TRIQK: variants seen among roughly 807,000 people sequenced by gnomAD.
TRIQK encodes the protein triple QxxK/R motif containing.
Under a neutral mutation model 10.8 loss-of-function variants are expected in TRIQK, and 10 were observed. The observed-to-expected ratio is 0.92, with a 90% CI of 0.57 to 1.57. TRIQK has a LOEUF of 1.57. Among genes scored for constraint, TRIQK ranks in the 40% most tolerant of loss-of-function variants. The probability of loss-of-function intolerance (pLI) is 0.00; values close to 1 mark genes in which losing one functional copy is unlikely to be tolerated. For missense variants in TRIQK, 107 were observed against 97.7 expected, an observed-to-expected ratio of 1.09 and a Z score of -0.40; for synonymous variants, 33 against 33.7, an observed-to-expected ratio of 0.98 and a Z score of 0.07.
rs1406232188 is a variant in TRIQK, at chr8:92,928,064, G to T, written c.-21-11054C>A. 2 of 152,066 alleles carry T rather than the reference G, an allele frequency of 1.3e-5. 1 individual carries two copies. The highest frequency in any genetic ancestry group is 2.9e-5 in the Non-Finnish European group (2 of 68,016). The allele number at this position is 152,066 out of a possible 1,614,324, so 9.4% of individuals were successfully genotyped here. A position where few individuals can be genotyped will look rare whatever the true frequency, so the allele number is the denominator to read the frequency against. On this transcript the variant is annotated intron_variant, in intron 2 of 4. Coordinates refer to ENST00000521988, the MANE Select transcript of TRIQK (RefSeq NM_001171797.2). ...TAATAAAGCGTTTGGGATTAACTGG[G>T]TTCAAGGGGGATATAAAAAGATAGA...
At chr8:92,990,559 A>T (rs538950057) in intron 1 of TRIQK, among the ~76,000 whole-genome samples, 49 of 152,280 alleles carry the variant, frequency 3.2e-4, no homozygotes, top group Middle Eastern at 3.4e-3. Context: ...TACCCGGCTC[A>T]TCTCATTGGA....
intron 1 of TRIQK, among the ~76,000 whole-genome samples, chr8:92,961,003 T>A (rs1347211305): frequency 6.6e-6 from 1 of 152,194 alleles, no homozygotes; most frequent in East Asian, 1.9e-4. Flanking sequence ...TTACATGAAG[T>A]TCTCCTATCC....
At chr8:92,906,761 C>T (rs1435670771) in intron 3 of TRIQK, among the ~76,000 whole-genome samples, 1 of 148,578 alleles carries the variant, frequency 6.7e-6, no homozygotes, top group Non-Finnish European at 1.5e-5. Context: ...GGCGTGGTGG[C>T]AGGCGCCTGT....
At chr8:92,946,918 C>T (rs1165454957) in intron 2 of TRIQK, among the ~76,000 whole-genome samples, 1 of 151,778 alleles carries the variant, frequency 6.6e-6, no homozygotes, top group Non-Finnish European at 1.5e-5. Context: ...TGCCACCACG[C>T]CTGGCTAATT....
chr8:92,892,151 A>T (rs1816801298), intron 3 of TRIQK, 77 bp from the exon 4 acceptor site: 1 of 1,048,788 alleles, frequency 9.5e-7, no homozygotes, highest in African/African-American at 1.6e-5. Flanking sequence ...ATGTCAAAGA[A>T]TGTTTAAATA....
At chr8:92,988,758 A>ATT (rs1813064880) in intron 1 of TRIQK, among the ~76,000 whole-genome samples, 2 of 152,290 alleles carry the variant, frequency 1.3e-5, no homozygotes, top group South Asian at 4.1e-4. Context: ...TCTCTTAACA[A>ATT]TTAGCAAATT....
At chr8:92,909,750 G>T (rs1809471895) in intron 3 of TRIQK, among the ~76,000 whole-genome samples, 1 of 151,598 alleles carries the variant, frequency 6.6e-6, no homozygotes, top group African/African-American at 2.4e-5. Flanking sequence ...ACATGGAGGA[G>T]AATTATAGTT....
At chr8:92,958,507 T>G (rs1437685379) in intron 1 of TRIQK, among the ~76,000 whole-genome samples, 2 of 152,016 alleles carry the variant, frequency 1.3e-5, no homozygotes, top group Non-Finnish European at 2.9e-5. Flanking sequence ...TATTACCTGA[T>G]TTTCATCTTT....
At chr8:92,904,141 TA>T (rs147252377) in intron 3 of TRIQK, among the ~76,000 whole-genome samples, 3 of 151,272 alleles carry the variant, frequency 2.0e-5, no homozygotes, top group African/African-American at 4.8e-5. Context: ...ATAAGTTGAT[TA>T]AAAAAAAATC....
intron 2 of TRIQK, among the ~76,000 whole-genome samples, chr8:92,936,486 A>G (rs1223782395): frequency 6.6e-6 from 1 of 151,714 alleles, no homozygotes; most frequent in African/African-American, 2.4e-5. Context: ...GGCAGGAAGG[A>G]GAAAGCAAGG....
chr8:93,014,845 T>A (rs1342750329), intron 1 of TRIQK, among the ~76,000 whole-genome samples: 1 of 152,078 alleles, frequency 6.6e-6, no homozygotes, highest in Non-Finnish European at 1.5e-5. Context: ...TGTTAGTTAT[T>A]GAAGTCTGAA....
chr8:93,015,458 CTTT>C (rs5893234), intron 1 of TRIQK, among the ~76,000 whole-genome samples: 5 of 137,214 alleles, frequency 3.6e-5, no homozygotes, highest in Admixed American at 7.4e-5. Context: ...AAAGCATAAG[CTTT>C]TTTTTTTTTT....
chr8:92,905,870 C>G (rs1809226917), intron 3 of TRIQK, among the ~76,000 whole-genome samples: 1 of 152,164 alleles, frequency 6.6e-6, no homozygotes, highest in Non-Finnish European at 1.5e-5. Flanking sequence ...GAAACAACTC[C>G]TGGATTGCTA....
intron 2 of TRIQK, among the ~76,000 whole-genome samples, chr8:92,937,153 T>C (rs1811032105): frequency 6.6e-6 from 1 of 151,842 alleles, no homozygotes; most frequent in South Asian, 2.1e-4. Context: ...AATAAAACTC[T>C]GTATGTCTAC....
intron 3 of TRIQK, among the ~76,000 whole-genome samples, chr8:92,892,520 A>G (rs1816818098): frequency 1.3e-5 from 2 of 151,948 alleles, no homozygotes; most frequent in South Asian, 4.1e-4. Context: ...AGTGAGAAAT[A>G]TCCCCAAGTT....
At chr8:93,011,208 A>G (rs1457125387) in intron 1 of TRIQK, among the ~76,000 whole-genome samples, 1 of 113,074 alleles carries the variant, frequency 8.8e-6, no homozygotes, top group East Asian at 3.1e-4. Flanking sequence ...ACACACACAT[A>G]TATATATATA....
chr8:92,983,922 C>T (rs1489905673), intron 1 of TRIQK, among the ~76,000 whole-genome samples: 1 of 152,174 alleles, frequency 6.6e-6, no homozygotes, highest in East Asian at 1.9e-4. Flanking sequence ...ATCAGTTCAG[C>T]TCAACAGGTT....
At chr8:92,940,344 A>G (rs1791442504) in intron 2 of TRIQK, among the ~76,000 whole-genome samples, 2 of 151,982 alleles carry the variant, frequency 1.3e-5, no homozygotes, top group Non-Finnish European at 2.9e-5. Context: ...TAAAAAAAAA[A>G]AAAAAAAGAC....
At chr8:92,996,093 A>G (rs559157576) in intron 1 of TRIQK, among the ~76,000 whole-genome samples, 1 of 152,204 alleles carries the variant, frequency 6.6e-6, no homozygotes, top group South Asian at 2.1e-4. Flanking sequence ...GTGAGATTTT[A>G]TCAATGTAAA....
Sources: gnomAD v4.1 joint callset for allele counts (sites outside exome capture counted in the v4.1 genomes callset) on GRCh38, gnomAD v4.1.1 for gene constraint, MANE v1.5 for transcripts, NCBI Gene and HGNC (gene_info 2026-07-23, HGNC 2026-07-21) for gene names.